GAB3: variants seen among roughly 807,000 people sequenced by gnomAD.
The protein encoded by GAB3 is GRB2 associated binding protein 3.
Under a neutral mutation model 40.4 loss-of-function variants are expected in GAB3, and 12 were observed. The observed-to-expected ratio is 0.30, with a 90% CI of 0.19 to 0.48. The LOEUF (loss-of-function observed/expected upper bound fraction) is 0.48, where lower values mean the gene tolerates loss of function less well. GAB3 is among the 20% of genes least tolerant of loss of function. The pLI, the probability that GAB3 is intolerant of heterozygous loss-of-function variation, is 0.99. For missense variants in GAB3, 381 were observed against 461.9 expected (o/e 0.82, Z 1.61); for synonymous variants, 154 against 176.7 (o/e 0.87, Z 1.02).
chrX:154,727,132 C>T (rs782345626), intron 1 of GAB3, among the ~76,000 whole-genome samples: 1 of 112,565 alleles, frequency 8.9e-6, no homozygotes, highest in South Asian at 3.7e-4. Flanking sequence ...TAGCCTAGAA[C>T]GTCCCACATG....
At chrX:154,716,920 A>C (rs1160818412) in intron 1 of GAB3, among the ~76,000 whole-genome samples, 3 of 111,942 alleles carry the variant, frequency 2.7e-5, no homozygotes, top group African/African-American at 9.8e-5. Flanking sequence ...ATTCTCAGAG[A>C]ATTAACTAGC....
chrX:154,696,797 A>AG (rs1231505364), intron 7 of GAB3, among the ~76,000 whole-genome samples: 1 of 112,393 alleles, frequency 8.9e-6, no homozygotes, highest in Non-Finnish European at 1.9e-5. Flanking sequence ...AAACAAGTTC[A>AG]GGGGGTATGG....
At chrX:154,746,300 G>A (rs1438244993) in intron 1 of GAB3, among the ~76,000 whole-genome samples, 1 of 111,589 alleles carries the variant, frequency 9.0e-6, no homozygotes, top group Non-Finnish European at 1.9e-5. Flanking sequence ...ACTGCAGACC[G>A]ATATCCCTCA....
chrX:154,746,154 A>G (rs1434011278), intron 1 of GAB3, among the ~76,000 whole-genome samples: 4 of 111,777 alleles, frequency 3.6e-5, no homozygotes, highest in African/African-American at 1.3e-4. Flanking sequence ...AGTTCTACCA[A>G]TCATTTAAGG....
intron 1 of GAB3, among the ~76,000 whole-genome samples, chrX:154,718,286 G>A (rs1325369222): frequency 9.2e-6 from 1 of 108,430 alleles, no homozygotes; most frequent in Non-Finnish European, 1.9e-5. Context: ...CCAGGACTGA[G>A]GCAAGGGGCA....
chrX:154,708,268 G>A (rs2070846488), intron 4 of GAB3, among the ~76,000 whole-genome samples: 1 of 112,165 alleles, frequency 8.9e-6, no homozygotes, highest in Non-Finnish European at 1.9e-5. Context: ...AAACCATTTA[G>A]CCCCTAGAAG....
At chrX:154,682,768 A>G (rs1557247041) in intron 8 of GAB3, among the ~76,000 whole-genome samples, 5 of 111,147 alleles carry the variant, frequency 4.5e-5, no homozygotes, top group Admixed American at 3.8e-4. Flanking sequence ...ACTTGGGGTC[A>G]GGAGTTCAAG....
intron 8 of GAB3, among the ~76,000 whole-genome samples, chrX:154,686,814 T>C (rs2070456929): frequency 9.0e-6 from 1 of 110,838 alleles, no homozygotes; most frequent in African/African-American, 3.3e-5. Context: ...AAAAATGAAA[T>C]ACTTAGATAT....
chrX:154,680,703 T>C (rs1452627600), intron 8 of GAB3, among the ~76,000 whole-genome samples: 20 of 112,393 alleles, frequency 1.8e-4, no homozygotes, highest in African/African-American at 6.5e-4. Context: ...TCTTTGAAGC[T>C]GTTTCCCCTG....
chrX:154,697,133 A>G lies in GAB3; in HGVS notation c.1426T>C (p.Cys476Arg), dbSNP rs782411901. ...GCTCTTTTGAGCAATCAGTCTTACCAAGGCACAGTGCGGGTCCTGGTAAGA... is the reference window on the plus strand; with the variant it reads ...GCTCTTTTGAGCAATCAGTCTTACCGAGGCACAGTGCGGGTCCTGGTAAGA... ...ASLTRTRTVP[C>R]SRTSFLSPER... Residue 476 changes from cysteine to arginine, a missense_variant and splice_region_variant, in exon 7 of 10, where the codon TGC becomes CGC. Cys to Arg is a radical substitution (Grantham distance 180, BLOSUM62 -3). Coordinates refer to ENST00000424127, the MANE Select transcript of GAB3 (RefSeq NM_001081573.3). The G allele has an allele frequency of 7.0e-5, 84 of 1,204,824 alleles. No homozygotes were observed. Among genetic ancestry groups the G allele is most frequent in the Non-Finnish European group, 9.4e-5 (84 of 889,647 alleles).
intron 1 of GAB3, among the ~76,000 whole-genome samples, chrX:154,716,826 AGAG>A (rs2071053416): frequency 8.9e-6 from 1 of 111,923 alleles, no homozygotes; most frequent in Non-Finnish European, 1.9e-5. Context: ...TACACATTGG[AGAG>A]GAGGAGAGAA....
intron 8 of GAB3, among the ~76,000 whole-genome samples, chrX:154,681,840 G>T (rs1360157642): frequency 3.6e-5 from 4 of 111,475 alleles, no homozygotes; most frequent in African/African-American, 1.3e-4. Flanking sequence ...TTCCATTTTT[G>T]TTGTTGTTTT....
intron 1 of GAB3, among the ~76,000 whole-genome samples, chrX:154,729,984 C>A (rs2071269322): frequency 8.9e-6 from 1 of 112,265 alleles, no homozygotes; most frequent in Non-Finnish European, 1.9e-5. Context: ...TTCAAGATAG[C>A]TTAGAACTTT....
chrX:154,695,456 A>G (rs1369941410), intron 8 of GAB3, among the ~76,000 whole-genome samples: 2 of 111,700 alleles, frequency 1.8e-5, no homozygotes, highest in Non-Finnish European at 3.8e-5. Flanking sequence ...ACCTTTCCCA[A>G]TGGGACTCTA....
At chrX:154,742,029 G>A (rs1451523274) in intron 1 of GAB3, among the ~76,000 whole-genome samples, 9 of 111,800 alleles carry the variant, frequency 8.1e-5, no homozygotes, top group African/African-American at 2.6e-4. Flanking sequence ...ACCATATCTC[G>A]TGGGTTCCAT....
intron 4 of GAB3, among the ~76,000 whole-genome samples, chrX:154,708,741 C>T (rs1178903230): frequency 1.8e-5 from 2 of 111,649 alleles, no homozygotes; most frequent in African/African-American, 3.3e-5. Context: ...GAGAAGAGAA[C>T]CCTTGTACAC....
At chrX:154,751,520 A>G, upstream of GAB3, 2 of 751,674 alleles carry the variant, frequency 2.7e-6, no homozygotes. Context: ...TAGTTCACGG[A>G]GAAACAAAAG....
intron 1 of GAB3, among the ~76,000 whole-genome samples, chrX:154,727,768 C>G (rs2071234157): frequency 8.9e-6 from 1 of 111,822 alleles, no homozygotes; most frequent in African/African-American, 3.3e-5. Flanking sequence ...AGTTTTAACT[C>G]AAAACCAGCA....
intron 4 of GAB3, among the ~76,000 whole-genome samples, chrX:154,708,516 A>G (rs782552210): frequency 8.9e-6 from 1 of 112,472 alleles, no homozygotes; most frequent in African/African-American, 3.2e-5. Flanking sequence ...AGGAACTCAC[A>G]TAACTGAGTA....
Sources: allele counts gnomAD v4.1 joint callset (sites outside exome capture counted in the v4.1 genomes callset), GRCh38; gene constraint gnomAD v4.1.1; transcripts MANE v1.5; gene names NCBI Gene and HGNC (gene_info 2026-07-23, HGNC 2026-07-21).